Variants in ATG14 observed in about 807,000 individuals in gnomAD.
The protein encoded by ATG14 is beclin 1-associated autophagy-related key regulator.
In ATG14, 35 loss-of-function variants were observed where a neutral mutation model predicts 60.4. That is an observed-to-expected ratio of 0.58 (90% confidence interval 0.44 to 0.77). The LOEUF (loss-of-function observed/expected upper bound fraction) is 0.77. Ranked by LOEUF, ATG14 falls within the 30% of genes least tolerant of loss-of-function variation. ATG14 has a pLI of 0.00. For synonymous variants in ATG14, 234 were observed against 228.8 expected (o/e 1.02, Z -0.21); for missense variants, 647 against 626.3 (o/e 1.03, Z -0.35).
chr14:55,380,690 T>C lies in ATG14; in HGVS notation c.878A>G (p.Asp293Gly). Residue 293 changes from aspartate (D) to glycine (G), a missense_variant and splice_region_variant, in exon 7 of 10, where the codon GAC becomes GGC. By Grantham distance (94) the Asp-to-Gly change is moderately conservative. Coordinates refer to ENST00000247178, the MANE Select transcript of ATG14 (RefSeq NM_014924.5). ...GTAGGCAGGGTTACTCTGCTCCATG[T>C]CTGCAGTAAGAAAACAACCACCATG... ...VEEKKTTQGP[D>G]MEQSNPAYTI... The C allele has an allele frequency of 6.3e-7, 1 of 1,591,236 alleles. No homozygotes were observed. Among genetic ancestry groups the C allele is most frequent in the Non-Finnish European group, 8.6e-7 (1 of 1,168,918 alleles).
At chr14:55,370,091 CT>C (rs1285750944) in intron 9 of ATG14, among the ~76,000 whole-genome samples, 166 bp from the exon 10 acceptor site, 1 of 152,196 alleles carries the variant, frequency 6.6e-6, no homozygotes. Flanking sequence ...TTGCGTTTTC[CT>C]TTACCCAAAT....
intron 9 of ATG14, among the ~76,000 whole-genome samples, chr14:55,372,314 C>G (rs1884837929): frequency 6.6e-6 from 1 of 152,130 alleles, no homozygotes; most frequent in East Asian, 1.9e-4. Flanking sequence ...CCTCCTCTTG[C>G]TGGAGAGCTG....
chr14:55,385,174 G>C (rs764172861), intron 5 of ATG14, among the ~76,000 whole-genome samples: 1 of 152,326 alleles, frequency 6.6e-6, no homozygotes, highest in Non-Finnish European at 1.5e-5. Context: ...TGTGAAAAAG[G>C]CATTTTTAAA....
chr14:55,409,366 G>A (rs982630624), intron 1 of ATG14, among the ~76,000 whole-genome samples: 7 of 152,150 alleles, frequency 4.6e-5, no homozygotes, highest in African/African-American at 1.7e-4. Context: ...ATACAACAGT[G>A]TATAAAAGAG....
chr14:55,374,120 A>G (rs2140121366), intron 9 of ATG14, among the ~76,000 whole-genome samples: 1 of 152,362 alleles, frequency 6.6e-6, no homozygotes, highest in South Asian at 2.1e-4. Flanking sequence ...ACTACCAGCA[A>G]CGCTGGATTC....
chr14:55,382,846 GT>G (rs1221757714), intron 5 of ATG14, among the ~76,000 whole-genome samples: 2 of 152,068 alleles, frequency 1.3e-5, no homozygotes, highest in Non-Finnish European at 2.9e-5. Context: ...AAGAACTTTT[GT>G]TTATATGGGT....
intron 8 of ATG14, 37 bp downstream of exon 8, chr14:55,377,947 A>G (rs1308684886): frequency 1.5e-5 from 24 of 1,593,696 alleles, no homozygotes; most frequent in Non-Finnish European, 2.1e-5. Flanking sequence ...CAACTATTTA[A>G]CAAAGTAAAA....
Position 55,411,608 on chromosome 14 carries a change from C to G in ATG14, c.215G>C (p.Arg72Pro), listed in dbSNP as rs780096381. 5.0e-6 allele frequency: 8 copies of G among 1,607,648 alleles called. No individual in the cohort carries two copies. Among genetic ancestry groups the G allele is most frequent in the Non-Finnish European group, 5.9e-6 (7 of 1,177,828 alleles). Residue 72 changes from arginine (R) to proline (P), a missense_variant, in exon 1 of 10, where the codon CGG (arginine) becomes CCG (proline). By Grantham distance (103) the Arg-to-Pro change is moderately radical. Coordinates refer to ENST00000247178, the MANE Select transcript of ATG14 (RefSeq NM_014924.5). ...GCCGTGGCGGCCGCCGTACCTCTCC[C>G]GGTCGCGGCCGTCGAAGTAGACGAA... ...GDFVYFDGRD[R>P]ERFIDKKERL...
chr14:55,410,097 C>A (rs1646381255), intron 1 of ATG14, among the ~76,000 whole-genome samples: 1 of 152,002 alleles, frequency 6.6e-6, no homozygotes, highest in African/African-American at 2.4e-5. Context: ...TAGCCTGAAC[C>A]AAAGGAACAA....
At chr14:55,408,910 A>G (rs1485632658) in intron 1 of ATG14, among the ~76,000 whole-genome samples, 1 of 152,242 alleles carries the variant, frequency 6.6e-6, no homozygotes, top group Non-Finnish European at 1.5e-5. Flanking sequence ...AAATCACATG[A>G]GGCTTCGTAT....
At chr14:55,405,252 G>T (rs578187883) in intron 1 of ATG14, among the ~76,000 whole-genome samples, 2 of 152,342 alleles carry the variant, frequency 1.3e-5, no homozygotes, top group East Asian at 3.9e-4. Flanking sequence ...ACTGAAGGGA[G>T]AACAGAAGTA....
chr14:55,369,161 T>TAAAG lies in ATG14; in HGVS notation c.*454_*457dup, dbSNP rs2059507738. The TAAAG allele has an allele frequency of 1.3e-5, 2 of 153,114 alleles. No individual in the cohort carries two copies. Among genetic ancestry groups the TAAAG allele is most frequent in the Admixed American group, 1.3e-4 (2 of 15,296 alleles). 9.5% of individuals were successfully genotyped at this position (153,114 alleles called of 1,614,324 possible). On this transcript the variant is annotated 3_prime_UTR_variant, in exon 10 of 10. Coordinates refer to ENST00000247178, the MANE Select transcript of ATG14 (RefSeq NM_014924.5). Reference sequence around the variant, plus strand: ...AAAACAATGGCAGAAAAACTCTTATTAAAGAGCTTTTATCTTTCATGTCCT... The same window carrying TAAAG: ...AAAACAATGGCAGAAAAACTCTTATTAAAGAAAGAGCTTTTATCTTTCATGTCCT...
intron 9 of ATG14, 61 bp downstream of exon 9, chr14:55,377,758 T>C: frequency 7.7e-7 from 1 of 1,290,612 alleles, no homozygotes; most frequent in East Asian, 2.3e-5. Context: ...TATGCCAACA[T>C]ACAACTCCTC....
chr14:55,371,386 C>T (rs1157037500), intron 9 of ATG14, among the ~76,000 whole-genome samples: 3 of 152,130 alleles, frequency 2.0e-5, no homozygotes, highest in African/African-American at 7.2e-5. Flanking sequence ...CCTGTGCTTC[C>T]CAGATGGATT....
intron 4 of ATG14, among the ~76,000 whole-genome samples, chr14:55,389,419 A>C (rs186988602): frequency 1.2e-4 from 18 of 152,238 alleles, no homozygotes; most frequent in Non-Finnish European, 5.9e-5. Context: ...GGCACTGTTC[A>C]GTGTGCTGCC....
chr14:55,405,078 T>C (rs1464223811), intron 1 of ATG14, among the ~76,000 whole-genome samples: 2 of 152,174 alleles, frequency 1.3e-5, no homozygotes, highest in Non-Finnish European at 2.9e-5. Flanking sequence ...ACAAACTCCA[T>C]GGGACAGGAA....
intron 1 of ATG14, among the ~76,000 whole-genome samples, chr14:55,410,368 A>G (rs1476151009): frequency 6.6e-6 from 1 of 152,208 alleles, no homozygotes; most frequent in Non-Finnish European, 1.5e-5. Context: ...GTCCAGAACC[A>G]AATCCTCGAT....
In ATG14 at chr14:55,367,915, T is replaced by C. The variant is rs1486711506; in HGVS notation, c.*1704A>G. The C allele has an allele frequency of 6.6e-6, 1 of 152,522 alleles. No individual in the cohort carries two copies. The highest frequency in any genetic ancestry group is 1.5e-5 in the Non-Finnish European group (1 of 68,028). The allele number at this position is 152,522 out of a possible 1,614,324, so 9.4% of individuals were successfully genotyped here. ...CCATTAGCAAAAGCTATATAGCACCTCGGACTTGGAGGCAAAGTATCAACT... is the reference window on the plus strand; with the variant it reads ...CCATTAGCAAAAGCTATATAGCACCCCGGACTTGGAGGCAAAGTATCAACT... On this transcript the variant is annotated 3_prime_UTR_variant, in exon 10 of 10. Transcript: ENST00000247178.
intron 1 of ATG14, among the ~76,000 whole-genome samples, chr14:55,411,278 C>G (rs753657023): frequency 2.0e-5 from 3 of 152,220 alleles, no homozygotes; most frequent in Non-Finnish European, 4.4e-5. Context: ...CAGCAAAGAG[C>G]TGGGAATCTA....
Sources: allele counts gnomAD v4.1 joint callset (sites outside exome capture counted in the v4.1 genomes callset), GRCh38; gene constraint gnomAD v4.1.1; transcripts MANE v1.5; gene names NCBI Gene and HGNC (gene_info 2026-07-23, HGNC 2026-07-21).